The following DNAH8 variants were observed in gnomAD, a reference collection of about 807,000 sequenced individuals.
DNAH8 encodes axonemal beta dynein heavy chain 8.
Under a neutral mutation model 562.1 loss-of-function variants are expected in DNAH8, and 382 were observed. The ratio of observed to expected loss-of-function variants is 0.68; its 90% CI spans 0.63 to 0.74. The LOEUF (loss-of-function observed/expected upper bound fraction) is 0.74, where lower values mean the gene tolerates loss of function less well. DNAH8 is among the 30% of genes least tolerant of loss of function. The pLI is 0.00. For synonymous variants in DNAH8, 1,881 were observed against 1,919.4 expected (o/e 0.98, Z 0.52); for missense variants, 5,203 against 5,620.4 (o/e 0.93, Z 2.37).
At chr6:38,863,782 T>A in intron 44 of DNAH8, 91 bp from the exon 45 acceptor site, 1 of 1,032,772 alleles carries the variant, frequency 9.7e-7, no homozygotes, top group South Asian at 1.7e-5. Context: ...CGTTTCAATG[T>A]ATAATGGTTT....
At chr6:38,877,513 C>T (rs947301061) in intron 53 of DNAH8, among the ~76,000 whole-genome samples, 11 of 152,116 alleles carry the variant, frequency 7.2e-5, no homozygotes, top group African/African-American at 2.7e-4. Context: ...TGAGGGGTTG[C>T]AGGCATTCAG....
At chr6:38,718,774 A>G (rs556535588) in intron 1 of DNAH8, among the ~76,000 whole-genome samples, 2 of 152,146 alleles carry the variant, frequency 1.3e-5, no homozygotes, top group Non-Finnish European at 2.9e-5. Flanking sequence ...AACCACATTT[A>G]TTATTTATCT....
intron 26 of DNAH8, among the ~76,000 whole-genome samples, chr6:38,817,712 C>T (rs1458034051): frequency 3.9e-5 from 6 of 152,120 alleles, no homozygotes; most frequent in South Asian, 2.1e-4. Flanking sequence ...TGGGCAGTGA[C>T]GAATGGCTGG....
chr6:38,880,835 C>G (rs1778419348), intron 53 of DNAH8, among the ~76,000 whole-genome samples: 1 of 152,180 alleles, frequency 6.6e-6, no homozygotes, highest in Non-Finnish European at 1.5e-5. Context: ...CGAGACCAGC[C>G]TGGCCAACAT....
chr6:38,945,642 T>G, intron 80 of DNAH8, 54 bp downstream of exon 80: 2 of 1,606,312 alleles, frequency 1.2e-6, no homozygotes, highest in Non-Finnish European at 1.7e-6. Flanking sequence ...CAAACATACC[T>G]GGGCCGCTTA....
At chr6:38,750,786 A>G (rs1467928336) in intron 9 of DNAH8, among the ~76,000 whole-genome samples, 197 bp downstream of exon 9, 1 of 152,142 alleles carries the variant, frequency 6.6e-6, no homozygotes, top group Admixed American at 6.5e-5. Context: ...AAAATAGTAC[A>G]ATTTAAGAAA....
intron 69 of DNAH8, 141 bp from the exon 70 acceptor site, chr6:38,917,784 G>T: frequency 1.6e-6 from 1 of 610,652 alleles, no homozygotes; most frequent in Non-Finnish European, 2.7e-6. Context: ...ATTTAGGTTG[G>T]CTACTGCCAA....
At position 38,779,977 on chromosome 6, in the gene DNAH8, T is replaced by TTTA. The variant is rs1768420848; in HGVS notation, c.2051_2052insTTA (p.Leu684_Asn685insTer). 6.2e-7 allele frequency: 1 copy of TTTA among 1,613,898 alleles called. No individual in the cohort carries two copies. Among genetic ancestry groups the TTTA allele is most frequent in the Admixed American group, 1.7e-5 (1 of 59,996 alleles). On this transcript the variant is annotated stop_gained and inframe_insertion, in exon 15 of 93. Transcript: ENST00000327475. LOFTEE classifies it high-confidence loss of function. ...TTGATTACTTTTAGGTTTCAGAAGC[T>TTTA]GAACATTCCCTGTCTGGGATTAGAA...
intron 79 of DNAH8, among the ~76,000 whole-genome samples, chr6:38,943,830 A>G (rs541994053): frequency 2.6e-5 from 4 of 152,292 alleles, no homozygotes; most frequent in South Asian, 2.1e-4. Context: ...TTATTATTCT[A>G]TACTGTTCTA....
At chr6:38,730,007 G>C in intron 4 of DNAH8, 21 bp downstream of exon 4, 1 of 1,204,656 alleles carries the variant, frequency 8.3e-7, no homozygotes, top group Non-Finnish European at 1.2e-6. Flanking sequence ...TCTGAGGGCA[G>C]TGTGCCAGTA....
At chr6:38,941,761 G>A (rs1303499566) in intron 79 of DNAH8, among the ~76,000 whole-genome samples, 1 of 152,122 alleles carries the variant, frequency 6.6e-6, no homozygotes, top group Non-Finnish European at 1.5e-5. Context: ...GAGCAGGGGG[G>A]TAGGGGGCAT....
chr6:38,760,299 G>C (rs1046396009), intron 10 of DNAH8, among the ~76,000 whole-genome samples: 1 of 152,142 alleles, frequency 6.6e-6, no homozygotes, highest in Non-Finnish European at 1.5e-5. Context: ...TGTCTCCTGG[G>C]AAGTTGAAGA....
chr6:38,842,580 C>G, intron 34 of DNAH8, 75 bp downstream of exon 34: 3 of 1,577,232 alleles, frequency 1.9e-6, no homozygotes, highest in Non-Finnish European at 1.7e-6. Flanking sequence ...TAATTTATTC[C>G]CTAATATAAT....
At chr6:38,906,829 C>A (rs368986885) in intron 63 of DNAH8, among the ~76,000 whole-genome samples, 24 of 152,240 alleles carry the variant, frequency 1.6e-4, no homozygotes, top group African/African-American at 5.3e-4. Flanking sequence ...CAGAAAGACT[C>A]ACCAGACTCA....
intron 71 of DNAH8, 165 bp from the exon 72 acceptor site, chr6:38,922,893 T>A: frequency 1.5e-6 from 1 of 650,976 alleles, no homozygotes; most frequent in Non-Finnish European, 2.4e-6. Flanking sequence ...ATATTATGAA[T>A]GATCAAAATT....
At position 38,896,018 on chromosome 6, in the gene DNAH8, A is replaced by G. The variant is rs1779652727; in HGVS notation, c.8748-15A>G. 1.9e-6 allele frequency: 3 copies of G among 1,604,374 alleles called. No individual in the cohort carries two copies. The highest frequency in any genetic ancestry group is 2.6e-6 in the Non-Finnish European group (3 of 1,173,994). On this transcript the variant is annotated splice_polypyrimidine_tract_variant and intron_variant, in intron 59 of 92. Transcript: ENST00000327475. The stretch of plus-strand genomic sequence containing the variant: ...TTTCATATTTAACATTCTTACTACT[A>G]CATTTTCCTTTCAGATTTATAACTC...
At chr6:38,755,641 A>G (rs910069093) in intron 9 of DNAH8, among the ~76,000 whole-genome samples, 1 of 152,198 alleles carries the variant, frequency 6.6e-6, no homozygotes, top group Admixed American at 6.5e-5. Context: ...ATGAACTATT[A>G]ACCTTAAAAT....
intron 79 of DNAH8, among the ~76,000 whole-genome samples, chr6:38,940,913 C>T (rs928908203): frequency 1.7e-4 from 12 of 68,610 alleles, no homozygotes; most frequent in South Asian, 1.7e-3. Context: ...GTCAGGAGAT[C>T]GAGACCATCC....
chr6:38,827,501 G>C (rs530028315), intron 29 of DNAH8, among the ~76,000 whole-genome samples: 1 of 152,032 alleles, frequency 6.6e-6, no homozygotes, highest in Non-Finnish European at 1.5e-5. Flanking sequence ...AATATCTGGG[G>C]AATTGACACC....
Sources: allele counts gnomAD v4.1 joint callset (sites outside exome capture counted in the v4.1 genomes callset), GRCh38; gene constraint gnomAD v4.1.1; transcripts MANE v1.5; gene names NCBI Gene and HGNC (gene_info 2026-07-23, HGNC 2026-07-21).